Variants in LRCH1 observed in about 807,000 individuals in gnomAD.
LRCH1 encodes leucine rich repeats and calponin homology domain containing 1.
LRCH1 carries 23 observed loss-of-function variants against 94.9 expected under a neutral mutation model. The observed-to-expected ratio is 0.24, with a 90% CI of 0.17 to 0.34. The LOEUF is 0.34. LRCH1 is among the 10% of genes least tolerant of loss of function. LRCH1 has a pLI of 1.00. For missense variants in LRCH1, 790 were observed against 945.9 expected (o/e 0.84, Z 2.16); for synonymous variants, 364 against 354.9 (o/e 1.03, Z -0.29).
intron 1 of LRCH1, among the ~76,000 whole-genome samples, chr13:46,621,191 C>T (rs1182193812): frequency 6.6e-6 from 1 of 152,210 alleles, no homozygotes; most frequent in Non-Finnish European, 1.5e-5. Flanking sequence ...TATTTCTCTG[C>T]CTGCAAAATG....
intron 2 of LRCH1, among the ~76,000 whole-genome samples, chr13:46,659,403 G>C (rs907515209): frequency 1.3e-5 from 2 of 152,062 alleles, no homozygotes; most frequent in Non-Finnish European, 2.9e-5. Flanking sequence ...ATGTTGGCCA[G>C]GCTGGTCTCG....
At chr13:46,657,731 G>A (rs1240099366) in intron 2 of LRCH1, among the ~76,000 whole-genome samples, 7 of 113,362 alleles carry the variant, frequency 6.2e-5, no homozygotes, top group African/African-American at 2.3e-4. Context: ...ATTTTGCTAT[G>A]TTGTCCAGGC....
At chr13:46,646,899 G>A (rs543279654) in intron 1 of LRCH1, among the ~76,000 whole-genome samples, 3 of 152,158 alleles carry the variant, frequency 2.0e-5, no homozygotes, top group Admixed American at 6.5e-5. Context: ...GCTCACCTGA[G>A]GTCCGGGGTT....
chr13:46,731,594 A>G (rs1331449585), intron 18 of LRCH1, among the ~76,000 whole-genome samples: 1 of 152,172 alleles, frequency 6.6e-6, no homozygotes, highest in East Asian at 1.9e-4. Context: ...TTATTATATT[A>G]TAGTTTTCCT....
intron 1 of LRCH1, among the ~76,000 whole-genome samples, chr13:46,588,662 G>A (rs1465348412): frequency 1.4e-5 from 2 of 140,614 alleles, no homozygotes; most frequent in African/African-American, 5.4e-5. Context: ...ATGCAGTGGC[G>A]CCATCTCCGT....
chr13:46,721,764 G>A (rs1872590731), intron 16 of LRCH1, among the ~76,000 whole-genome samples: 1 of 152,190 alleles, frequency 6.6e-6, no homozygotes, highest in Non-Finnish European at 1.5e-5. Context: ...TGAGATTCCA[G>A]AAGGCGACAG....
chr13:46,567,264 A>C (rs977331578), intron 1 of LRCH1, among the ~76,000 whole-genome samples: 6 of 152,184 alleles, frequency 3.9e-5, no homozygotes, highest in Non-Finnish European at 7.3e-5. Context: ...ACATATAAAA[A>C]TATGTTTTAT....
chr13:46,727,571 C>G lies in LRCH1; in HGVS notation c.1870-1276C>G, dbSNP rs192804840. On this transcript the variant is annotated intron_variant, in intron 17 of 19. Transcript: ENST00000389797. The stretch of plus-strand genomic sequence containing the variant: ...AGGCTGGAGAGCAGTGGCGCAATCT[C>G]GGCTCACTGAAACCTCTGCCTCCTG... 2.9e-3 allele frequency among the ~76,000 whole-genome samples: 439 copies of G among 152,252 alleles called. 2 individuals carry two copies. Among genetic ancestry groups the G allele is most frequent in the Non-Finnish European group, 2.1e-3 (143 of 68,026 alleles).
rs151310128 is a variant in LRCH1 at position 46,659,284 on chromosome 13, G to T, written c.452+8939G>T. Reference sequence around the variant, plus strand: ...CTTAGCTCACTGCAGCCTCCGCTTCGTGGGTTCAAGCGATTCTCCTGCCTC... The same window carrying T: ...CTTAGCTCACTGCAGCCTCCGCTTCTTGGGTTCAAGCGATTCTCCTGCCTC... On this transcript the variant is annotated intron_variant, in intron 2 of 19. Coordinates refer to ENST00000389797, the MANE Select transcript of LRCH1 (RefSeq NM_001164211.2). 9.6e-3 allele frequency among the ~76,000 whole-genome samples: 1,455 copies of T among 152,054 alleles called. 12 individuals carry two copies. The highest frequency in any genetic ancestry group is 0.027 in the Admixed American group (410 of 15,282).
At chr13:46,622,816 A>G (rs2050895718) in intron 1 of LRCH1, among the ~76,000 whole-genome samples, 1 of 152,248 alleles carries the variant, frequency 6.6e-6, no homozygotes, top group Non-Finnish European at 1.5e-5. Flanking sequence ...AGTTAGGAGC[A>G]CTGTGATAAA....
intron 1 of LRCH1, among the ~76,000 whole-genome samples, chr13:46,603,314 T>C (rs1197679592): frequency 6.6e-6 from 1 of 152,120 alleles, no homozygotes; most frequent in Non-Finnish European, 1.5e-5. Context: ...TGACCCTGAC[T>C]CAAGTCTTCC....
chr13:46,653,913 A>G (rs941386465), intron 2 of LRCH1, among the ~76,000 whole-genome samples: 1 of 152,216 alleles, frequency 6.6e-6, no homozygotes, highest in Non-Finnish European at 1.5e-5. Context: ...TGTGTTATTC[A>G]ATTACAAGGC....
chr13:46,716,831 T>G (rs1195267225), intron 16 of LRCH1, among the ~76,000 whole-genome samples: 1 of 151,948 alleles, frequency 6.6e-6, no homozygotes, highest in Non-Finnish European at 1.5e-5. Context: ...CCTTATACCA[T>G]CCAGTTGTAA....
chr13:46,734,315 A>T (rs1247833418), intron 19 of LRCH1, among the ~76,000 whole-genome samples: 2 of 152,194 alleles, frequency 1.3e-5, no homozygotes, highest in Non-Finnish European at 2.9e-5. Context: ...GCTGTAAGTG[A>T]ATCTTCTCTT....
In LRCH1 at chr13:46,613,654, C is replaced by G. The variant is rs77984568; in HGVS notation, c.308-36547C>G. On this transcript the variant is annotated intron_variant, in intron 1 of 19. Transcript: ENST00000389797. ...AGAATCCAGATGCCTGGGCTCTACTCACAGAGATTCTGATTTAATTGGTGT... is the reference window on the plus strand; with the variant it reads ...AGAATCCAGATGCCTGGGCTCTACTGACAGAGATTCTGATTTAATTGGTGT... 5.8e-3 allele frequency among the ~76,000 whole-genome samples: 887 copies of G among 152,304 alleles called. 6 individuals are homozygous for G. The highest frequency in any genetic ancestry group is 0.021 in the African/African-American group (853 of 41,562).
chr13:46,684,126 T>G (rs938137928), intron 4 of LRCH1, among the ~76,000 whole-genome samples: 16 of 152,216 alleles, frequency 1.1e-4, no homozygotes, highest in Non-Finnish European at 1.8e-4. Flanking sequence ...TTTTATTCTT[T>G]CTAGGACTAG....
At chr13:46,675,008 G>C (rs538745823) in intron 3 of LRCH1, among the ~76,000 whole-genome samples, 130 of 152,284 alleles carry the variant, frequency 8.5e-4, no homozygotes, top group African/African-American at 3.0e-3. Flanking sequence ...AAAAAAAAAG[G>C]TTTGGTACAA....
exon 19 of LRCH1, chr13:46,750,765 C>T (rs916470313): frequency 1.2e-5 from 8 of 660,092 alleles, no homozygotes; most frequent in South Asian, 2.1e-5. Context: ...TTCACTGACT[C>T]CAGTTACATT....
In LRCH1 at chr13:46,704,099, C is replaced by T. The variant is rs146958412; in HGVS notation, c.1401-969C>T. On this transcript the variant is annotated intron_variant, in intron 11 of 19. Transcript: ENST00000389797. ...GCTGCTTTAGATCATTGTTATTTAT[C>T]CTGAAATAACTATTATAATATGACA... 3.5e-3 allele frequency among the ~76,000 whole-genome samples: 525 copies of T among 152,030 alleles called. 4 individuals are homozygous for T. Among genetic ancestry groups the T allele is most frequent in the African/African-American group, 0.011 (474 of 41,502 alleles).
Sources: allele counts gnomAD v4.1 joint callset (sites outside exome capture counted in the v4.1 genomes callset), GRCh38; gene constraint gnomAD v4.1.1; transcripts MANE v1.5; gene names NCBI Gene and HGNC (gene_info 2026-07-23, HGNC 2026-07-21).